ADAM9: variants seen among roughly 807,000 people sequenced by gnomAD.
The protein encoded by ADAM9 is disintegrin and metalloproteinase domain-containing protein 9.
A neutral mutation model predicts 108.1 loss-of-function variants in ADAM9; 54 were observed. The ratio of observed to expected loss-of-function variants is 0.50; its 90% CI spans 0.40 to 0.63. ADAM9 has a LOEUF of 0.63. Among genes scored for constraint, ADAM9 ranks in the 20% least tolerant of loss-of-function variants. ADAM9 has a pLI of 0.00. For synonymous variants in ADAM9, 316 were observed against 336.0 expected (o/e 0.94, Z 0.65); for missense variants, 830 against 997.7 (o/e 0.83, Z 2.26).
intron 14 of ADAM9, among the ~76,000 whole-genome samples, chr8:39,069,018 C>T (rs1208170886): frequency 6.6e-6 from 1 of 152,128 alleles, no homozygotes; most frequent in Non-Finnish European, 1.5e-5. Flanking sequence ...TTATTCCTGC[C>T]ACCTGCCCCT....
At chr8:39,073,467 A>G (rs1348880551) in intron 15 of ADAM9, among the ~76,000 whole-genome samples, 3 of 152,200 alleles carry the variant, frequency 2.0e-5, no homozygotes, top group Admixed American at 2.0e-4. Flanking sequence ...TGTCAGTTTC[A>G]TTAATTATGT....
chr8:39,096,175 G>A (rs895626711), intron 20 of ADAM9, among the ~76,000 whole-genome samples: 5 of 127,646 alleles, frequency 3.9e-5, no homozygotes, highest in African/African-American at 1.3e-4. Context: ...TCAAATCAGG[G>A]TAATTGGGAT....
At chr8:39,025,655 A>T (rs555371710) in intron 9 of ADAM9, 148 bp from the exon 10 acceptor site, 3 of 679,452 alleles carry the variant, frequency 4.4e-6, no homozygotes, top group Non-Finnish European at 5.1e-6. Flanking sequence ...AGGCATAAGT[A>T]TATTCTGATT....
chr8:39,044,022 C>T (rs1837534661), intron 12 of ADAM9, among the ~76,000 whole-genome samples: 1 of 152,032 alleles, frequency 6.6e-6, no homozygotes, highest in South Asian at 2.1e-4. Flanking sequence ...CAGATATTTC[C>T]CCCTATTCCA....
intron 14 of ADAM9, among the ~76,000 whole-genome samples, chr8:39,065,706 T>C (rs1199706191): frequency 6.6e-6 from 1 of 150,956 alleles, no homozygotes; most frequent in Non-Finnish European, 1.5e-5. Context: ...TCTTATTTCA[T>C]GCACGAAACA....
chr8:39,019,389 T>C (rs1163481769), intron 7 of ADAM9, among the ~76,000 whole-genome samples: 2 of 152,240 alleles, frequency 1.3e-5, no homozygotes, highest in Admixed American at 6.5e-5. Flanking sequence ...TTTCCGTGTA[T>C]AGGATCACAT....
intron 16 of ADAM9, 135 bp from the exon 17 acceptor site, chr8:39,082,506 T>A (rs1839055035): frequency 1.6e-6 from 1 of 639,176 alleles, no homozygotes; most frequent in South Asian, 1.9e-5. Flanking sequence ...AAAAATATAA[T>A]ATGGGAATTA....
chr8:39,037,441 AGTGT>A (rs748459761), intron 11 of ADAM9, among the ~76,000 whole-genome samples: 13 of 140,756 alleles, frequency 9.2e-5, no homozygotes, highest in African/African-American at 3.2e-4. Flanking sequence ...TATATATTTA[AGTGT>A]GTGTGTGTGT....
At chr8:39,081,616 A>G (rs1199800826) in intron 16 of ADAM9, among the ~76,000 whole-genome samples, 1 of 152,196 alleles carries the variant, frequency 6.6e-6, no homozygotes, top group Admixed American at 6.5e-5. Flanking sequence ...TTTAAATCAT[A>G]TATGTCCTAT....
At chr8:39,096,471 G>A (rs1839511252) in intron 20 of ADAM9, among the ~76,000 whole-genome samples, 1 of 151,944 alleles carries the variant, frequency 6.6e-6, no homozygotes, top group Admixed American at 6.6e-5. Flanking sequence ...TGTAACTGAT[G>A]ACACAAAATT....
chr8:39,061,435 T>G (rs912698489), intron 14 of ADAM9, among the ~76,000 whole-genome samples: 3 of 152,238 alleles, frequency 2.0e-5, no homozygotes, highest in African/African-American at 7.2e-5. Flanking sequence ...GCCCCTACTC[T>G]GACTTCTTGA....
intron 2 of ADAM9, among the ~76,000 whole-genome samples, chr8:39,010,984 T>C (rs11777376): frequency 0.24 from 35,669 of 151,480 alleles, 4,484 homozygotes; most frequent in South Asian, 0.31. Context: ...TCCCAGTTAC[T>C]TGGGAGGCTG....
Position 39,064,630 on chromosome 8 carries a change from C to T in ADAM9, c.1592-6668C>T, listed in dbSNP as rs377077819. On this transcript the variant is annotated intron_variant, in intron 14 of 21. Coordinates refer to ENST00000487273, the MANE Select transcript of ADAM9 (RefSeq NM_003816.3). ...GAGATCTTTCACCATAATCTGAAGG[C>T]GAATCATTGGCTCTCTCCCTTTTGA... 1.4e-3 allele frequency among the ~76,000 whole-genome samples: 220 copies of T among 152,200 alleles called. 10 individuals carry two copies. In the South Asian group the frequency reaches 0.043, roughly 30 times the overall value.
At chr8:39,018,627 T>G in intron 6 of ADAM9, 1 of 555,626 alleles carries the variant, frequency 1.8e-6, no homozygotes, top group Non-Finnish European at 3.2e-6. Context: ...CCCTCAGACA[T>G]AGTTTATCAT....
At position 39,040,527 on chromosome 8, in the gene ADAM9, A is replaced by G. The variant is rs192015508; in HGVS notation, c.1131-1419A>G. ...AGTCTTTTGTTCATTTTAAAAATCG[A>G]GTTATTTGTTTTTCTACTATGGAGT... On this transcript the variant is annotated intron_variant, in intron 11 of 21. Transcript: ENST00000487273. 1.9e-3 allele frequency among the ~76,000 whole-genome samples: 284 copies of G among 152,290 alleles called. 2 individuals are homozygous for G. Among genetic ancestry groups the G allele is most frequent in the Middle Eastern group, 6.8e-3 (2 of 294 alleles).
intron 12 of ADAM9, among the ~76,000 whole-genome samples, chr8:39,053,277 A>C (rs757752750): frequency 3.3e-5 from 5 of 152,186 alleles, no homozygotes; most frequent in Admixed American, 6.5e-5. Context: ...GCTTGCCTTT[A>C]ATTAACTTAG....
At chr8:39,087,278 T>A (rs149556298) in intron 18 of ADAM9, among the ~76,000 whole-genome samples, 1 of 152,208 alleles carries the variant, frequency 6.6e-6, no homozygotes, top group East Asian at 1.9e-4. Context: ...TTGCTCTTTG[T>A]TGCCTGATGT....
At chr8:39,026,849 G>A (rs1836940326) in intron 11 of ADAM9, 39 bp downstream of exon 11, 2 of 1,610,912 alleles carry the variant, frequency 1.2e-6, no homozygotes, top group African/African-American at 2.7e-5. Flanking sequence ...ATTTGGTATT[G>A]TAGATCCATG....
At chr8:39,079,906 T>A (rs1458940062) in intron 16 of ADAM9, among the ~76,000 whole-genome samples, 1 of 152,242 alleles carries the variant, frequency 6.6e-6, no homozygotes, top group Non-Finnish European at 1.5e-5. Flanking sequence ...TGAAATTATA[T>A]CAGTCTTATC....
Sources: gnomAD v4.1 joint callset for allele counts (sites outside exome capture counted in the v4.1 genomes callset) on GRCh38, gnomAD v4.1.1 for gene constraint, MANE v1.5 for transcripts, NCBI Gene and HGNC (gene_info 2026-07-23, HGNC 2026-07-21) for gene names.